The following CLCN5 variants were observed in gnomAD, a reference collection of about 807,000 sequenced individuals.
CLCN5 encodes H(+)/Cl(-) exchange transporter 5.
A neutral mutation model predicts 54.0 loss-of-function variants in CLCN5; 17 were observed. The observed-to-expected ratio is 0.31, with a 90% CI of 0.22 to 0.47. CLCN5 has a LOEUF of 0.47. Ranked by LOEUF, CLCN5 falls within the 20% of genes least tolerant of loss-of-function variation. The pLI is 1.00. For missense variants in CLCN5, 448 were observed against 646.7 expected (o/e 0.69, Z 3.33); for synonymous variants, 222 against 233.0 (o/e 0.95, Z 0.43).
chrX:50,092,423 A>G lies in CLCN5; in HGVS notation c.*204A>G. ...TAGGAGAAATTATAGTTAGGCTTCCATGATGTTACATTAGGAAGATATCAT... is the reference window on the plus strand; with the variant it reads ...TAGGAGAAATTATAGTTAGGCTTCCGTGATGTTACATTAGGAAGATATCAT... On this transcript the variant is annotated 3_prime_UTR_variant, in exon 15 of 15. Transcript: ENST00000376091. The G allele has an allele frequency of 4.8e-6, 2 of 414,620 alleles. No homozygotes were observed. Among genetic ancestry groups the G allele is most frequent in the Non-Finnish European group, 8.4e-6 (2 of 237,162 alleles). 34.2% of individuals were successfully genotyped at this position (414,620 alleles called of 1,213,427 possible).
intron 3 of CLCN5, among the ~76,000 whole-genome samples, chrX:50,034,200 C>G (rs376563133): frequency 6.7e-4 from 75 of 111,998 alleles, no homozygotes; most frequent in African/African-American, 2.3e-3. Context: ...TTTTCTGAGC[C>G]CTCGCTTTGT....
At chrX:50,071,606 A>G (rs1933223957) in intron 5 of CLCN5, among the ~76,000 whole-genome samples, 1 of 112,303 alleles carries the variant, frequency 8.9e-6, no homozygotes, top group Admixed American at 9.5e-5. Flanking sequence ...TTATAGCATT[A>G]ACTGTTCATT....
At chrX:50,066,005 A>C (rs1403430739) in intron 4 of CLCN5, among the ~76,000 whole-genome samples, 2 of 66,012 alleles carry the variant, frequency 3.0e-5, no homozygotes, top group African/African-American at 1.3e-4. Context: ...CACTCTGGGG[A>C]CTGTGGTGGG....
intron 9 of CLCN5, among the ~76,000 whole-genome samples, chrX:50,083,817 A>C (rs782591004): frequency 2.7e-5 from 3 of 112,315 alleles, no homozygotes; most frequent in Non-Finnish European, 5.6e-5. Context: ...TTTTTTAAAA[A>C]AATATTATAA....
intron 5 of CLCN5, 132 bp from the exon 6 acceptor site, chrX:50,072,357 G>T: frequency 1.9e-6 from 1 of 527,985 alleles, no homozygotes; most frequent in Non-Finnish European, 3.4e-6. Context: ...TTCAGCTAAA[G>T]ATTATGTGAA....
rs1437616358 is a variant in CLCN5, at chrX:50,065,304, C to A, written c.164-4575C>A. ...AGCCAGAATCTACAATGAACTCAAA[C>A]AAATTTACAAGAAAAAAACAAACAA... On this transcript the variant is annotated intron_variant, in intron 4 of 14. Coordinates refer to ENST00000376091, the MANE Select transcript of CLCN5 (RefSeq NM_001127898.4). Among the ~76,000 whole-genome samples the A allele has an allele frequency of 6.8e-5, 6 of 88,644 alleles. No individual in the cohort carries two copies. In the East Asian group the frequency reaches 2.1e-3, roughly 31 times the overall value. The allele number at this position is 88,644 out of a possible 115,157, so 77.0% of individuals were successfully genotyped here.
intron 7 of CLCN5, 34 bp from the exon 8 acceptor site, chrX:50,080,560 G>C: frequency 8.4e-7 from 1 of 1,191,364 alleles, no homozygotes; most frequent in Non-Finnish European, 1.1e-6. Flanking sequence ...AAGCTGTCTA[G>C]GCTAAAACAA....
intron 7 of CLCN5, among the ~76,000 whole-genome samples, chrX:50,080,176 G>T: frequency 9.0e-6 from 1 of 111,517 alleles, no homozygotes. Context: ...CTTTAGATCC[G>T]CTCTTCACTT....
At position 49,983,694 on chromosome X, in the gene CLCN5, A is replaced by G. The variant is rs190674719; in HGVS notation, c.16+58380A>G. Among the ~76,000 whole-genome samples, 9 of 108,063 alleles carry G rather than the reference A, an allele frequency of 8.3e-5. No individual in the cohort carries two copies. The East Asian group carries it at 2.5e-3, about 30-fold the overall frequency. 93.8% of individuals were successfully genotyped at this position (108,063 alleles called of 115,157 possible). On this transcript the variant is annotated intron_variant, in intron 3 of 14. Coordinates refer to ENST00000376091, the MANE Select transcript of CLCN5 (RefSeq NM_001127898.4). ...AATAATATAAAATATATTAATATAC[A>G]TAATATAATATATATTAAAAATATA...
chrX:49,931,734 T>A (rs1557168897), intron 3 of CLCN5, among the ~76,000 whole-genome samples: 2 of 97,271 alleles, frequency 2.1e-5, no homozygotes, highest in Non-Finnish European at 4.2e-5. Flanking sequence ...AAAAGAAAAC[T>A]TTTTTTTTTT....
At chrX:49,955,563 T>C (rs1325778673) in intron 3 of CLCN5, among the ~76,000 whole-genome samples, 1 of 111,576 alleles carries the variant, frequency 9.0e-6, no homozygotes, top group Non-Finnish European at 1.9e-5. Flanking sequence ...CTGTTCAATT[T>C]ATTTTTCAGA....
At chrX:50,080,787 A>G (rs2147578178) in intron 8 of CLCN5, 71 bp downstream of exon 8, 8 of 842,420 alleles carry the variant, frequency 9.5e-6, no homozygotes, top group Non-Finnish European at 1.4e-5. Context: ...CTTAATATGT[A>G]TTCCAGCACA....
intron 5 of CLCN5, among the ~76,000 whole-genome samples, chrX:50,071,390 G>A (rs1213759587): frequency 1.8e-5 from 2 of 111,854 alleles, no homozygotes; most frequent in African/African-American, 6.5e-5. Context: ...CATCAGGCGG[G>A]CTTTAGAATT....
chrX:50,074,501 C>T (rs1485847186), intron 6 of CLCN5, among the ~76,000 whole-genome samples: 8 of 111,510 alleles, frequency 7.2e-5, no homozygotes, highest in African/African-American at 2.3e-4. Context: ...GGTAATTTTC[C>T]GAATCCAGGC....
chrX:49,926,775 T>C (rs1557168078), intron 3 of CLCN5, among the ~76,000 whole-genome samples: 1 of 112,309 alleles, frequency 8.9e-6, no homozygotes, highest in Non-Finnish European at 1.9e-5. Flanking sequence ...TAATCAGATT[T>C]TGTTTTAGAA....
At chrX:50,038,028 G>C (rs1932069945) in intron 3 of CLCN5, among the ~76,000 whole-genome samples, 1 of 111,554 alleles carries the variant, frequency 9.0e-6, no homozygotes, top group South Asian at 3.8e-4. Context: ...GAAAATACAA[G>C]ATGAGTCTGG....
intron 11 of CLCN5, 152 bp downstream of exon 11, chrX:50,087,022 A>C: frequency 7.5e-6 from 4 of 531,964 alleles, no homozygotes; most frequent in Non-Finnish European, 1.2e-5. Context: ...TTTACCCCAC[A>C]CGTTCTCATA....
intron 3 of CLCN5, among the ~76,000 whole-genome samples, chrX:49,933,469 C>T (rs967441660): frequency 4.5e-5 from 5 of 111,840 alleles, no homozygotes; most frequent in Admixed American, 3.8e-4. Context: ...AGTGCGATAA[C>T]CTGAATCTGA....
intron 4 of CLCN5, among the ~76,000 whole-genome samples, chrX:50,045,536 A>T (rs1557187682): frequency 8.9e-6 from 1 of 112,433 alleles, no homozygotes; most frequent in East Asian, 2.8e-4. Context: ...TTGTGTGTTC[A>T]TGTTGCTCTC....
Sources: allele counts gnomAD v4.1 joint callset (sites outside exome capture counted in the v4.1 genomes callset), GRCh38; gene constraint gnomAD v4.1.1; transcripts MANE v1.5; gene names NCBI Gene and HGNC (gene_info 2026-07-23, HGNC 2026-07-21).